The following RPGRIP1 variants were observed in gnomAD, a reference collection of about 807,000 sequenced individuals.
RPGRIP1 encodes the protein X-linked retinitis pigmentosa GTPase regulator-interacting protein 1.
In RPGRIP1, 128 loss-of-function variants were observed where a neutral mutation model predicts 157.9. That is an observed-to-expected ratio of 0.81 (90% CI 0.70 to 0.94). The LOEUF (loss-of-function observed/expected upper bound fraction) is 0.94. Among genes scored for constraint, RPGRIP1 ranks in the 40% least tolerant of loss-of-function variants. RPGRIP1 has a pLI of 0.00. For synonymous variants in RPGRIP1, 554 were observed against 571.6 expected (o/e 0.97, Z 0.44); for missense variants, 1,486 against 1,545.8 (o/e 0.96, Z 0.65).
At chr14:21,314,715 A>AG (rs71112574) in intron 10 of RPGRIP1, among the ~76,000 whole-genome samples, 15 of 29,944 alleles carry the variant, frequency 5.0e-4, no homozygotes, top group Non-Finnish European at 1.0e-3. Context: ...CTCTGTCTCG[A>AG]AAAAAAAAAA....
intron 24 of RPGRIP1, 53 bp from the exon 25 acceptor site, chr14:21,351,051 C>G (rs1886225109): frequency 1.0e-6 from 1 of 980,094 alleles, no homozygotes; most frequent in Non-Finnish European, 1.6e-6. Context: ...TGACAAATAC[C>G]AAGTATCAAA....
At chr14:21,304,943 A>C (rs1008647611) in intron 6 of RPGRIP1, among the ~76,000 whole-genome samples, 1 of 151,954 alleles carries the variant, frequency 6.6e-6, no homozygotes, top group Non-Finnish European at 1.5e-5. Context: ...CTGGGACTAC[A>C]GGCGCCCGCC....
In RPGRIP1 at chr14:21,306,336, T is replaced by C. The variant is rs140834187; in HGVS notation, c.801-1395T>C. Among the ~76,000 whole-genome samples, 127 of 151,896 alleles carry C rather than the reference T, an allele frequency of 8.4e-4. 1 individual carries two copies. Among genetic ancestry groups the C allele is most frequent in the African/African-American group, 2.8e-3 (117 of 41,482 alleles). On this transcript the variant is annotated intron_variant, in intron 6 of 24. Transcript: ENST00000400017. ...TTAGTAGAGAGGGGGTTTCACCATG[T>C]TGGCCAGGCTGGTCTCGAACTCCTG...
Position 21,317,734 on chromosome 14 carries a change from G to A in RPGRIP1, c.1190G>A (p.Trp397Ter). 6.3e-7 allele frequency: 1 copy of A among 1,589,850 alleles called. No homozygotes were observed. Among genetic ancestry groups the A allele is most frequent in the Non-Finnish European group, 8.6e-7 (1 of 1,168,146 alleles). ...DSSDSSSQPH[W>*]SNELIAEQLQ... ...AGTGACAGCTCCAGTCAGCCCCACTGGAGCAACGAGCTCATAGCGGAACAG... is the reference window on the plus strand; with the variant it reads ...AGTGACAGCTCCAGTCAGCCCCACTAGAGCAACGAGCTCATAGCGGAACAG... The change falls in exon 11 of 25, where the codon TGG becomes TAG. Residue 397 changes from tryptophan to a stop codon, truncating the protein, a stop_gained. Transcript: ENST00000400017. LOFTEE classifies it high-confidence loss of function.
At chr14:21,316,267 G>A (rs545724476) in intron 10 of RPGRIP1, among the ~76,000 whole-genome samples, 6 of 151,812 alleles carry the variant, frequency 4.0e-5, no homozygotes, top group East Asian at 1.9e-4. Context: ...GTGAGCCACC[G>A]CGCCCAGCCA....
At chr14:21,327,538 G>A (rs1883237404) in intron 17 of RPGRIP1, 85 bp from the exon 18 acceptor site, 2 of 1,059,136 alleles carry the variant, frequency 1.9e-6, no homozygotes, top group Admixed American at 4.1e-5. Context: ...AATTAAAAAT[G>A]GGAAGGAAGT....
chr14:21,337,895 A>G lies in RPGRIP1; in HGVS notation c.3339+3190A>G, dbSNP rs1238928057. 6.0e-5 allele frequency among the ~76,000 whole-genome samples: 9 copies of G among 151,120 alleles called. No homozygotes were observed. In the Admixed American group the frequency reaches 6.0e-4, roughly 10 times the overall value. On this transcript the variant is annotated intron_variant, in intron 21 of 24. Transcript: ENST00000400017. Reference sequence around the variant, plus strand: ...CTCAGCTTCCCAAGTAGCTGGGACTACAGACACACGCTGTCACGTCCAGCT... The same window carrying G: ...CTCAGCTTCCCAAGTAGCTGGGACTGCAGACACACGCTGTCACGTCCAGCT...
intron 1 of RPGRIP1, among the ~76,000 whole-genome samples, chr14:21,283,504 T>C (rs900538525): frequency 6.6e-6 from 1 of 151,988 alleles, no homozygotes; most frequent in African/African-American, 2.4e-5. Context: ...GGTTTCGCCA[T>C]GTTAGCCAGG....
chr14:21,287,874 A>C (rs780395978), intron 1 of RPGRIP1, 65 bp from the exon 2 acceptor site: 2 of 719,058 alleles, frequency 2.8e-6, no homozygotes, highest in Non-Finnish European at 2.5e-6. Flanking sequence ...GCTACAACTT[A>C]TGTACACGTT....
In RPGRIP1 at chr14:21,339,569, GT is replaced by G. The variant is rs374950599; in HGVS notation, c.3340-3463del. Reference sequence around the variant, plus strand: ...AAACATGTATTTTTCAATCAATAATGTTTTGGGGTTCTATCCATGTCGATAT... The same window carrying G: ...AAACATGTATTTTTCAATCAATAATGTTTGGGGTTCTATCCATGTCGATAT... On this transcript the variant is annotated intron_variant, in intron 21 of 24. Transcript: ENST00000400017. Among the ~76,000 whole-genome samples the G allele has an allele frequency of 6.2e-3, 943 of 152,208 alleles. 8 individuals carry two copies. Among genetic ancestry groups the G allele is most frequent in the African/African-American group, 0.022 (899 of 41,544 alleles).
At chr14:21,310,911 C>G in intron 8 of RPGRIP1, 1 of 600,348 alleles carries the variant, frequency 1.7e-6, no homozygotes, top group Non-Finnish European at 3.2e-6. Flanking sequence ...GAGTATTCTT[C>G]TAGCATGTGT....
chr14:21,288,432 C>T (rs575370620), intron 2 of RPGRIP1, among the ~76,000 whole-genome samples: 6 of 151,944 alleles, frequency 3.9e-5, no homozygotes, highest in South Asian at 4.2e-4. Flanking sequence ...CTGCCCTCCT[C>T]GGGCTCCCAA....
chr14:21,307,725 C>T lies in RPGRIP1; in HGVS notation c.801-6C>T, dbSNP rs1881376244. On this transcript the variant is annotated splice_region_variant and splice_polypyrimidine_tract_variant and intron_variant, in intron 6 of 24. Transcript: ENST00000400017. Reference sequence around the variant, plus strand: ...AGACAGAATAATTTAGCGCCTTTCTCTGCAGAGCTTCCATTAAAGAGAAGG... The same window carrying T: ...AGACAGAATAATTTAGCGCCTTTCTTTGCAGAGCTTCCATTAAAGAGAAGG... 1 of 1,535,244 alleles carries T rather than the reference C, an allele frequency of 6.5e-7. No individual in the cohort carries two copies. The highest frequency in any genetic ancestry group is 2.4e-5 in the East Asian group (1 of 41,878).
rs1881122797 is a variant in RPGRIP1, at chr14:21,303,379, G to A, written c.636G>A (p.Met212Ile). Residue 212 changes from methionine (M) to isoleucine (I), a missense_variant, in exon 6 of 25, where the codon ATG becomes ATA. Physicochemically the swap from Met to Ile is conservative, Grantham distance 10 (BLOSUM62 1). Coordinates refer to ENST00000400017, the MANE Select transcript of RPGRIP1 (RefSeq NM_020366.4). ...TTTCTTTCAGCAGTGTCATAAGTATGGCTAAACCCATTGGTCTATGCATGC... is the reference window on the plus strand; with the variant it reads ...TTTCTTTCAGCAGTGTCATAAGTATAGCTAAACCCATTGGTCTATGCATGC... ...SIISFSSVIS[M>I]AKPIGLCMPN... is the part of the protein sequence containing the mutation. The A allele has an allele frequency of 2.5e-6, 4 of 1,613,784 alleles. No homozygotes were observed. Among genetic ancestry groups the A allele is most frequent in the Non-Finnish European group, 3.4e-6 (4 of 1,179,814 alleles).
chr14:21,334,643 G>A lies in RPGRIP1; in HGVS notation c.3277G>A (p.Ala1093Thr). The change falls in exon 21 of 25, where the codon GCA becomes ACA. Residue 1093 changes from alanine (A) to threonine (T), a missense_variant. Ala to Thr is a moderately conservative substitution (Grantham distance 58). Coordinates refer to ENST00000400017, the MANE Select transcript of RPGRIP1 (RefSeq NM_020366.4). ...SSEQGSEVSEAQTTDSDDVIV... is the reference protein window; with the variant it reads ...SSEQGSEVSETQTTDSDDVIV... ...TGAACAAGGTTCTGAAGTCAGTGAA[G>A]CACAAACTACCGACAGTGATGATGT... 1 of 1,609,414 alleles carries A rather than the reference G, an allele frequency of 6.2e-7. No homozygotes were observed. Among genetic ancestry groups the A allele is most frequent in the Non-Finnish European group, 8.5e-7 (1 of 1,178,416 alleles).
intron 24 of RPGRIP1, among the ~76,000 whole-genome samples, chr14:21,350,391 A>AAAAAAAC (rs61359212): frequency 0.019 from 2,703 of 142,632 alleles, 144 homozygotes; most frequent in African/African-American, 0.067. Context: ...AAAAAAAAAA[A>AAAAAAAC]AAAAAGAAAA....
At position 21,325,902 on chromosome 14, in the gene RPGRIP1, T is replaced by TTG; in HGVS notation, c.2439_2440insTG (p.Arg814CysfsTer45). 6.2e-7 allele frequency: 1 copy of TTG among 1,613,744 alleles called. No individual in the cohort carries two copies. The highest frequency in any genetic ancestry group is 1.1e-5 in the South Asian group (1 of 91,064). ...TCACCAAGTGCTGTGGCCTCCGGAG[T>TTG]CGATGGCTGGGAACTCAACCCAGTC... On this transcript the variant is annotated frameshift_variant, in exon 17 of 25. Transcript: ENST00000400017. LOFTEE classifies it high-confidence loss of function.
intron 21 of RPGRIP1, 52 bp downstream of exon 21, chr14:21,334,757 C>T: frequency 8.1e-7 from 1 of 1,233,096 alleles, no homozygotes; most frequent in South Asian, 1.3e-5. Flanking sequence ...TAAATAATGA[C>T]AGTGGCCAGT....
Position 21,310,240 on chromosome 14 carries a change from C to CT in RPGRIP1, c.907-334dup, listed in dbSNP as rs60849185. Among the ~76,000 whole-genome samples the CT allele has an allele frequency of 5.5e-5, 8 of 146,528 alleles. 1 individual carries two copies. The highest frequency in any genetic ancestry group is 7.5e-5 in the Non-Finnish European group (5 of 66,262). On this transcript the variant is annotated intron_variant, in intron 7 of 24. Coordinates refer to ENST00000400017, the MANE Select transcript of RPGRIP1 (RefSeq NM_020366.4). The stretch of plus-strand genomic sequence containing the variant: ...AATTATAGCTGTTGTTATGATCATT[C>CT]TTTTTTTTTTACTAAAACTGAAGAG...
Sources: allele counts gnomAD v4.1 joint callset (sites outside exome capture counted in the v4.1 genomes callset), GRCh38; gene constraint gnomAD v4.1.1; transcripts MANE v1.5; gene names NCBI Gene and HGNC (gene_info 2026-07-23, HGNC 2026-07-21).